The following CEP192 variants were observed in gnomAD, a reference collection of about 807,000 sequenced individuals.
The protein encoded by CEP192 is centrosomal protein 192.
Under a neutral mutation model 271.8 loss-of-function variants are expected in CEP192, and 151 were observed. The observed-to-expected ratio is 0.56, with a 90% CI of 0.49 to 0.64. The LOEUF (loss-of-function observed/expected upper bound fraction) is 0.64. Ranked by LOEUF, CEP192 falls within the 30% of genes least tolerant of loss-of-function variation. The pLI, the probability that CEP192 is intolerant of heterozygous loss-of-function variation, is 0.00. For synonymous variants in CEP192, 995 were observed against 1,076.5 expected, an observed-to-expected ratio of 0.92 and a Z score of 1.48; for missense variants, 2,910 against 3,020.5, an observed-to-expected ratio of 0.96 and a Z score of 0.86.
intron 17 of CEP192, among the ~76,000 whole-genome samples, chr18:13,050,816 G>A (rs913646613): frequency 3.3e-5 from 5 of 152,082 alleles, no homozygotes; most frequent in African/African-American, 1.2e-4. Flanking sequence ...CTGACCTCAG[G>A]TAATCCACCT....
At position 13,049,302 on chromosome 18, in the gene CEP192, A is replaced by G; in HGVS notation, c.2511A>G (p.Pro837=). The G allele has an allele frequency of 1.2e-6, 2 of 1,614,184 alleles. No homozygotes were observed. Among genetic ancestry groups the G allele is most frequent in the South Asian group, 1.1e-5 (1 of 91,082 alleles). ...LSATSVSVRA[P]EENTAAIVYV... is the part of the protein sequence containing the mutation. ...CTACTAGTGTAAGTGTGAGGGCACC[A>G]GAAGAAAACACAGCAGCTATTGTTT... Residue 837 remains proline, a synonymous_variant, in exon 16 of 45, where the codon CCA becomes CCG. Coordinates refer to ENST00000506447, the MANE Select transcript of CEP192 (RefSeq NM_032142.4).
chr18:13,107,978 A>T (rs1467083265), intron 40 of CEP192, among the ~76,000 whole-genome samples: 1 of 152,124 alleles, frequency 6.6e-6, no homozygotes, highest in Non-Finnish European at 1.5e-5. Flanking sequence ...CAGAATAGAG[A>T]ACCCAGAAAT....
At position 13,017,271 on chromosome 18, in the gene CEP192, G is replaced by A; in HGVS notation, c.724G>A (p.Glu242Lys). 1 of 1,550,306 alleles carries A rather than the reference G, an allele frequency of 6.5e-7. No homozygotes were observed. Among genetic ancestry groups the A allele is most frequent in the Non-Finnish European group, 8.7e-7 (1 of 1,146,150 alleles). Residue 242 changes from glutamate to lysine, a missense_variant, in exon 7 of 45, where the codon GAA (glutamate) becomes AAA (lysine). Physicochemically the swap from Glu to Lys is moderately conservative, Grantham distance 56 (BLOSUM62 1). Coordinates refer to ENST00000506447, the MANE Select transcript of CEP192 (RefSeq NM_032142.4). ...EQLAIPGMIY[E>K]DLEGPEPPEK... Reference sequence around the variant, plus strand: ...ACTGGCAATTCCAGGAATGATATATGAAGACCTAGAAGGACCAGAACCTCC... The same window carrying A: ...ACTGGCAATTCCAGGAATGATATATAAAGACCTAGAAGGACCAGAACCTCC...
chr18:13,056,073 A>G lies in CEP192; in HGVS notation c.3483A>G (p.Glu1161=), dbSNP rs1222468386. The change falls in exon 19 of 45, where the codon GAA becomes GAG. Residue 1161 remains glutamate (E), a synonymous_variant. Transcript: ENST00000506447. The stretch of plus-strand genomic sequence containing the variant: ...TAGGTTGGACATCAAACCCTGAGGA[A>G]TTGGACCCGATCAGGCTGGCTCTCC... ...SEVGWTSNPE[E]LDPIRLALLG... The G allele has an allele frequency of 3.1e-6, 5 of 1,614,078 alleles. No homozygotes were observed. In the African/African-American group the frequency reaches 4.0e-5, roughly 13 times the overall value.
chr18:13,066,407 C>T (rs1192389120), intron 21 of CEP192, among the ~76,000 whole-genome samples: 1 of 152,058 alleles, frequency 6.6e-6, no homozygotes, highest in African/African-American at 2.4e-5. Flanking sequence ...CTGAGTCTTC[C>T]TGATTTTCTT....
chr18:13,029,806 C>A lies in CEP192; in HGVS notation c.1194C>A (p.His398Gln). Residue 398 changes from histidine to glutamine, a missense_variant, in exon 10 of 45, where the codon CAC becomes CAA. Transcript: ENST00000506447. ...DPVKQGAECP[H>Q]QNKTVLHMDG... Reference sequence around the variant, plus strand: ...TAAAACAGGGGGCAGAGTGTCCTCACCAAAATAAGACAGTTTTGCACATGG... The same window carrying A: ...TAAAACAGGGGGCAGAGTGTCCTCAACAAAATAAGACAGTTTTGCACATGG... 1 of 1,551,614 alleles carries A rather than the reference C, an allele frequency of 6.4e-7. No homozygotes were observed. The highest frequency in any genetic ancestry group is 8.7e-7 in the Non-Finnish European group (1 of 1,146,984).
At position 13,099,521 on chromosome 18, in the gene CEP192, A is replaced by C. The variant is rs371499439; in HGVS notation, c.6603A>C (p.Thr2201=). Residue 2201 remains threonine, a synonymous_variant, in exon 37 of 45, where the codon ACA becomes ACC. Transcript: ENST00000506447. ...TGAGTCCTAATTCCTCCTTATCCAC[A>C]AAACAGTCAATGTTCCCGTGGAGTG... ...ILVSPNSSLS[T]KQSMFPWSGL... is the part of the protein sequence containing the mutation. 2 of 1,604,228 alleles carry C rather than the reference A, an allele frequency of 1.2e-6. No individual in the cohort carries two copies. The highest frequency in any genetic ancestry group is 1.3e-5 in the African/African-American group (1 of 74,286).
chr18:13,097,481 C>T (rs898007833), intron 36 of CEP192, among the ~76,000 whole-genome samples: 1 of 152,094 alleles, frequency 6.6e-6, no homozygotes, highest in East Asian at 1.9e-4. Context: ...TCCTCTGCAA[C>T]TGCTTCATTC....
At chr18:13,037,090 A>G (rs776444988) in intron 11 of CEP192, 147 bp from the exon 12 acceptor site, 1 of 542,604 alleles carries the variant, frequency 1.8e-6, no homozygotes, top group East Asian at 3.4e-5. Flanking sequence ...TAAGCATTTA[A>G]TACAGATGCA....
intron 1 of CEP192, among the ~76,000 whole-genome samples, chr18:12,996,371 G>T (rs1400561239): frequency 6.6e-6 from 1 of 152,038 alleles, no homozygotes; most frequent in Admixed American, 6.5e-5. Context: ...TGTCATTTTC[G>T]CTGGTGGGGA....
intron 30 of CEP192, among the ~76,000 whole-genome samples, chr18:13,081,664 C>G (rs1183280550): frequency 6.6e-6 from 1 of 152,120 alleles, no homozygotes; most frequent in East Asian, 1.9e-4. Flanking sequence ...TTCAGTATTT[C>G]TTGCCTTCTG....
chr18:13,109,252 A>G (rs1381271697), intron 40 of CEP192, among the ~76,000 whole-genome samples: 1 of 152,216 alleles, frequency 6.6e-6, no homozygotes, highest in Non-Finnish European at 1.5e-5. Context: ...AGCAACATGG[A>G]TACAGCTGAA....
chr18:13,058,992 T>G (rs886067114), intron 20 of CEP192, 90 bp from the exon 21 acceptor site: 12 of 819,634 alleles, frequency 1.5e-5, no homozygotes, highest in East Asian at 2.5e-5. Flanking sequence ...GCAGTTTGAG[T>G]GATTGGGAAA....
At chr18:13,112,562 T>C (rs936075306) in intron 40 of CEP192, among the ~76,000 whole-genome samples, 12 of 152,240 alleles carry the variant, frequency 7.9e-5, no homozygotes, top group Non-Finnish European at 1.8e-4. Flanking sequence ...TTTTTGGTAT[T>C]TGAAGGGGTA....
At chr18:13,082,432 C>CT (rs57663388) in intron 30 of CEP192, among the ~76,000 whole-genome samples, 1,439 of 49,862 alleles carry the variant, frequency 0.029, 57 homozygotes, top group African/African-American at 0.06. Context: ...GCAACCCCTG[C>CT]TTTTTTTTTT....
At chr18:13,014,278 A>G (rs1030799669) in intron 5 of CEP192, among the ~76,000 whole-genome samples, 1 of 152,228 alleles carries the variant, frequency 6.6e-6, no homozygotes, top group Admixed American at 6.5e-5. Flanking sequence ...GAAAGCAACA[A>G]AAGTATAGAA....
intron 4 of CEP192, among the ~76,000 whole-genome samples, chr18:13,010,437 A>G (rs1410016647): frequency 6.6e-6 from 1 of 152,198 alleles, no homozygotes; most frequent in African/African-American, 2.4e-5. Flanking sequence ...GAAAAATGTT[A>G]TATATATGAA....
At chr18:13,115,926 C>T (rs550419323) in intron 42 of CEP192, among the ~76,000 whole-genome samples, 1 of 152,090 alleles carries the variant, frequency 6.6e-6, no homozygotes, top group South Asian at 2.1e-4. Flanking sequence ...CGGGAGTGGC[C>T]GGAGAAAGGG....
chr18:13,068,834 G>T lies in CEP192; in HGVS notation c.4823-18G>T, dbSNP rs936019426. On this transcript the variant is annotated intron_variant, in intron 24 of 44. Transcript: ENST00000506447. ...TAACTCTCTGGTCTCCAAGCTAAAA[G>T]AATGAACTTTTTTTTAGATATTCTG... 6.2e-7 allele frequency: 1 copy of T among 1,613,920 alleles called. No homozygotes were observed. Among genetic ancestry groups the T allele is most frequent in the East Asian group, 2.2e-5 (1 of 44,890 alleles).
Sources: gnomAD v4.1 joint callset for allele counts (sites outside exome capture counted in the v4.1 genomes callset) on GRCh38, gnomAD v4.1.1 for gene constraint, MANE v1.5 for transcripts, NCBI Gene and HGNC (gene_info 2026-07-23, HGNC 2026-07-21) for gene names.